The following STRAP variants were observed in gnomAD, a reference collection of about 807,000 sequenced individuals.
The protein encoded by STRAP is serine-threonine kinase receptor-associated protein.
Under a neutral mutation model 47.0 loss-of-function variants are expected in STRAP, and 16 were observed. The ratio of observed to expected loss-of-function variants is 0.34; its 90% CI spans 0.23 to 0.52. The LOEUF is 0.52. Ranked by LOEUF, STRAP falls within the 20% of genes least tolerant of loss-of-function variation. STRAP has a pLI of 0.96. For missense variants in STRAP, 293 were observed against 420.0 expected (o/e 0.70, Z 2.64); for synonymous variants, 130 against 142.7 (o/e 0.91, Z 0.63).
intron 1 of STRAP, among the ~76,000 whole-genome samples, chr12:15,883,319 T>C (rs1035768660): frequency 6.6e-6 from 1 of 152,206 alleles, no homozygotes; most frequent in Non-Finnish European, 1.5e-5. Context: ...CAGATCAGTA[T>C]TCCCAGCCAA....
Position 15,883,431 on chromosome 12 carries a change from G to A in STRAP, c.113-110G>A, listed in dbSNP as rs75600374. On this transcript the variant is annotated intron_variant, in intron 1 of 9. Transcript: ENST00000419869. ...AGTGGGTGGTGGTAGTTAAATAGCTGAAACAATTTTTCCACTTTGTCATTG... is the reference window on the plus strand; with the variant it reads ...AGTGGGTGGTGGTAGTTAAATAGCTAAAACAATTTTTCCACTTTGTCATTG... 9.7e-3 allele frequency: 12,487 copies of A among 1,285,666 alleles called. 82 individuals are homozygous for A. Among genetic ancestry groups the A allele is most frequent in the Non-Finnish European group, 0.012 (11,098 of 942,306 alleles). 79.6% of individuals were successfully genotyped at this position (1,285,666 alleles called of 1,614,324 possible).
chr12:15,882,454 C>A lies in STRAP; in HGVS notation c.-254C>A, dbSNP rs1947928684. ...GTGGCTGGCCCGGTTCTCCGCTTCTCCCCATCCCCTACTTTCCTCCCTCCC... is the reference window on the plus strand; with the variant it reads ...GTGGCTGGCCCGGTTCTCCGCTTCTACCCATCCCCTACTTTCCTCCCTCCC... On this transcript the variant is annotated 5_prime_UTR_variant, in exon 1 of 10. Coordinates refer to ENST00000419869, the MANE Select transcript of STRAP (RefSeq NM_007178.4). 1.3e-5 allele frequency: 7 copies of A among 532,672 alleles called. No individual in the cohort carries two copies. The South Asian group carries it at 1.4e-4, about 11-fold the overall frequency. The allele number at this position is 532,672 out of a possible 1,614,324, so 33.0% of individuals were successfully genotyped here.
chr12:15,882,471 CTCCCTCCCTCCCTT>C lies in STRAP; in HGVS notation c.-226_-213del. On this transcript the variant is annotated 5_prime_UTR_variant, in exon 1 of 10. Coordinates refer to ENST00000419869, the MANE Select transcript of STRAP (RefSeq NM_007178.4). ...CCGCTTCTCCCCATCCCCTACTTTCCTCCCTCCCTCCCTTTCCCTCCCTCGTCGACTGTTGCTTG... is the reference window on the plus strand; with the variant it reads ...CCGCTTCTCCCCATCCCCTACTTTCCTCCCTCCCTCGTCGACTGTTGCTTG... 2 of 523,890 alleles carry C rather than the reference CTCCCTCCCTCCCTT, an allele frequency of 3.8e-6. No homozygotes were observed. Among genetic ancestry groups the C allele is most frequent in the Non-Finnish European group, 6.8e-6 (2 of 292,142 alleles). 32.5% of individuals were successfully genotyped at this position (523,890 alleles called of 1,614,324 possible).
chr12:15,892,541 A>T (rs1948025302), intron 4 of STRAP, among the ~76,000 whole-genome samples: 1 of 152,220 alleles, frequency 6.6e-6, no homozygotes, highest in African/African-American at 2.4e-5. Context: ...AAAATTTTAA[A>T]GAGTAATAAG....
chr12:15,900,878 G>T (rs772185384), intron 8 of STRAP, 69 bp from the exon 9 acceptor site: 5 of 1,277,276 alleles, frequency 3.9e-6, no homozygotes, highest in Non-Finnish European at 5.2e-6. Flanking sequence ...TGCTCTTCTT[G>T]CTTATTGAAC....
intron 8 of STRAP, 172 bp from the exon 9 acceptor site, chr12:15,900,775 A>T: frequency 2.2e-6 from 1 of 456,706 alleles, no homozygotes; most frequent in Non-Finnish European, 3.6e-6. Context: ...AAGTAATTTT[A>T]AAGAAAGACA....
At position 15,882,588 on chromosome 12, in the gene STRAP, C is replaced by A; in HGVS notation, c.-120C>A. The A allele has an allele frequency of 1.2e-6, 1 of 813,544 alleles. No individual in the cohort carries two copies. Among genetic ancestry groups the A allele is most frequent in the Non-Finnish European group, 1.9e-6 (1 of 513,542 alleles). The allele number at this position is 813,544 out of a possible 1,614,324, so 50.4% of individuals were successfully genotyped here. A position where few individuals can be genotyped will look rare whatever the true frequency, so the allele number is the denominator to read the frequency against. ...CCGGATTGCCCTTCTTTTCCTGTTG[C>A]CCAGCCCAGCCCTAGTGTCAGGGCG... On this transcript the variant is annotated 5_prime_UTR_variant, in exon 1 of 10. Coordinates refer to ENST00000419869, the MANE Select transcript of STRAP (RefSeq NM_007178.4).
intron 9 of STRAP, 80 bp downstream of exon 9, chr12:15,901,092 A>C: frequency 9.4e-7 from 1 of 1,064,696 alleles, no homozygotes; most frequent in East Asian, 2.7e-5. Context: ...ACTCATTGGC[A>C]GAAGAAATTT....
chr12:15,902,614 A>G (rs1409632211), intron 9 of STRAP, among the ~76,000 whole-genome samples: 1 of 152,220 alleles, frequency 6.6e-6, no homozygotes, highest in East Asian at 1.9e-4. Context: ...CATGACTTTA[A>G]TTCCGGGTTT....
chr12:15,889,840 T>C, intron 2 of STRAP, 88 bp from the exon 3 acceptor site: 1 of 1,013,562 alleles, frequency 9.9e-7, no homozygotes, highest in Non-Finnish European at 1.5e-6. Flanking sequence ...TCTAACTTAT[T>C]TGGTACTCAT....
rs1157418457 is a variant in STRAP, at chr12:15,894,272, G to C, written c.500+129G>C. 1.7e-5 allele frequency: 11 copies of C among 637,536 alleles called. No individual in the cohort carries two copies. The highest frequency in any genetic ancestry group is 3.0e-5 in the Non-Finnish European group (11 of 368,336). The allele number at this position is 637,536 out of a possible 1,614,324, so 39.5% of individuals were successfully genotyped here. A position where few individuals can be genotyped will look rare whatever the true frequency, so the allele number is the denominator to read the frequency against. On this transcript the variant is annotated intron_variant, in intron 5 of 9. Coordinates refer to ENST00000419869, the MANE Select transcript of STRAP (RefSeq NM_007178.4). This position sits in a 1 kb window ranked among gnomAD's most constrained non-coding sequence, Gnocchi z 4.9. Reference sequence around the variant, plus strand: ...TCAGGAGTACTAGACCAGCCTGGCCGACATGGCGAAATACTGTCTCTATGA... The same window carrying C: ...TCAGGAGTACTAGACCAGCCTGGCCCACATGGCGAAATACTGTCTCTATGA...
intron 2 of STRAP, among the ~76,000 whole-genome samples, chr12:15,889,111 C>T (rs1287640129): frequency 6.6e-6 from 1 of 150,590 alleles, no homozygotes; most frequent in Non-Finnish European, 1.5e-5. Flanking sequence ...GATCTAAAAT[C>T]AACTTTTTTT....
chr12:15,887,126 T>C lies in STRAP; in HGVS notation c.249-2802T>C, dbSNP rs570704838. ...AATAAGGTTCTTGATAAATCGAAAA[T>C]GGTATTATCTCCTAGATGACTTGGT... On this transcript the variant is annotated intron_variant, in intron 2 of 9. Coordinates refer to ENST00000419869, the MANE Select transcript of STRAP (RefSeq NM_007178.4). The surrounding 1 kb of genome is among the most constrained non-coding windows in gnomAD (Gnocchi z 5.5). Among the ~76,000 whole-genome samples, 2 of 152,308 alleles carry C rather than the reference T, an allele frequency of 1.3e-5. No homozygotes were observed. Among genetic ancestry groups the C allele is most frequent in the African/African-American group, 4.8e-5 (2 of 41,566 alleles).
At chr12:15,902,693 G>A (rs1389973435) in intron 9 of STRAP, among the ~76,000 whole-genome samples, 1 of 152,138 alleles carries the variant, frequency 6.6e-6, no homozygotes, top group Non-Finnish European at 1.5e-5. Flanking sequence ...TATGGTGTAA[G>A]AGAATCTAGT....
chr12:15,887,739 G>A lies in STRAP; in HGVS notation c.249-2189G>A, dbSNP rs949917309. 3.9e-5 allele frequency among the ~76,000 whole-genome samples: 6 copies of A among 152,076 alleles called. No individual in the cohort carries two copies. Among genetic ancestry groups the A allele is most frequent in the African/African-American group, 7.2e-5 (3 of 41,406 alleles). ...AAGATTTTAGAGCTGCCATGTTGGCGTTAGCCTGTAGCTACTTAGGAGGCT... is the reference window on the plus strand; with the variant it reads ...AAGATTTTAGAGCTGCCATGTTGGCATTAGCCTGTAGCTACTTAGGAGGCT... On this transcript the variant is annotated intron_variant, in intron 2 of 9. Transcript: ENST00000419869. The surrounding 1 kb of genome is among the most constrained non-coding windows in gnomAD (Gnocchi z 5.5).
rs769285983 is a variant in STRAP, at chr12:15,894,175, T to C, written c.500+32T>C. 1 of 1,568,838 alleles carries C rather than the reference T, an allele frequency of 6.4e-7. No homozygotes were observed. Among genetic ancestry groups the C allele is most frequent in the Non-Finnish European group, 8.8e-7 (1 of 1,141,412 alleles). On this transcript the variant is annotated intron_variant, in intron 5 of 9. Coordinates refer to ENST00000419869, the MANE Select transcript of STRAP (RefSeq NM_007178.4). The surrounding 1 kb of genome is among the most constrained non-coding windows in gnomAD (Gnocchi z 4.9). The stretch of plus-strand genomic sequence containing the variant: ...AATTTTTCTTTAATAATTTACAATT[T>C]AAGGCCGGGCATGGTGGCTCACGCC...
At chr12:15,900,918 T>C (rs1220517301) in intron 8 of STRAP, 29 bp from the exon 9 acceptor site, 1 of 1,564,128 alleles carries the variant, frequency 6.4e-7, no homozygotes, top group African/African-American at 1.4e-5. Context: ...GTGTAAGTCA[T>C]ATAATCGTCA....
chr12:15,882,963 C>G (rs1947936002), intron 1 of STRAP, 144 bp downstream of exon 1: 4 of 1,350,484 alleles, frequency 3.0e-6, no homozygotes, highest in African/African-American at 1.4e-5. Flanking sequence ...AACACTGGTC[C>G]GGTGGAGAAA....
At chr12:15,893,679 CAAT>C (rs1948036919) in intron 4 of STRAP, among the ~76,000 whole-genome samples, 1 of 146,862 alleles carries the variant, frequency 6.8e-6, no homozygotes, top group Non-Finnish European at 1.5e-5. Flanking sequence ...TACAATTATA[CAAT>C]AATGCTTTTA....
Sources: gnomAD v4.1 joint callset for allele counts (sites outside exome capture counted in the v4.1 genomes callset) on GRCh38, gnomAD v4.1.1 for gene constraint, Gnocchi (gnomAD v3.1) non-coding constraint, MANE v1.5 for transcripts, NCBI Gene and HGNC (gene_info 2026-07-23, HGNC 2026-07-21) for gene names.